NBPF20: variants seen among roughly 807,000 people sequenced by gnomAD.
NBPF20 encodes NBPF family member NBPF20.
Under a neutral mutation model 68.1 loss-of-function variants are expected in NBPF20, and 90 were observed. The ratio of observed to expected loss-of-function variants is 1.32; its 90% CI spans 1.11 to 1.58. The LOEUF (loss-of-function observed/expected upper bound fraction) is 1.58. NBPF20 is among the 40% of genes most tolerant of loss of function. NBPF20 has a pLI of 0.00. For missense variants in NBPF20, 816 were observed against 601.2 expected, an observed-to-expected ratio of 1.36 and a Z score of -3.74; for synonymous variants, 290 against 228.1, an observed-to-expected ratio of 1.27 and a Z score of -2.45.
chr1:145,292,354 T>A (rs1558961817), intron 137 of NBPF20, 27 bp downstream of exon 142: 2 of 664,584 alleles, frequency 3.0e-6, no homozygotes, highest in Non-Finnish European at 5.3e-6. Flanking sequence ...AACACAGAAT[T>A]AAGCATCCAC....
intron 136 of NBPF20, among the ~76,000 whole-genome samples, chr1:145,292,982 C>G (rs1411064740): frequency 2.9e-3 from 13 of 4,478 alleles, no homozygotes; most frequent in African/African-American, 0.018. Context: ...GATCAGGGCG[C>G]CACAGGTATG....
rs1460475018 is a variant in NBPF20 at position 145,295,999 on chromosome 1, C to T, written c.16138+339G>A. 2.0e-4 allele frequency: 32 copies of T among 160,574 alleles called. 8 individuals carry two copies. Among genetic ancestry groups the T allele is most frequent in the South Asian group, 8.4e-4 (18 of 21,332 alleles). The allele number at this position is 160,574 out of a possible 1,614,324, so 9.9% of individuals were successfully genotyped here. On this transcript the variant is annotated intron_variant, in intron 132 of 137. Coordinates refer to ENST00000369373, the Ensembl canonical transcript of NBPF20. ...TGTTCACGGTATCGAGGATTTTAGA[C>T]GCTGAAATTAGAGTGAAGGATGAAA...
At chr1:145,404,321 C>T (rs1217788342) in intron 2 of NBPF20, among the ~76,000 whole-genome samples, 1 of 151,798 alleles carries the variant, frequency 6.6e-6, no homozygotes, top group African/African-American at 2.4e-5. Flanking sequence ...TGCAATAGTG[C>T]AATCTTGGCT....
exon 2 of NBPF20, chr1:145,405,198 G>C (rs1553666836): frequency 6.2e-7 from 1 of 1,612,558 alleles, no homozygotes; most frequent in South Asian, 1.1e-5. Flanking sequence ...CCAACTGGGG[G>C]CGCAATTTCT....
intron 7 of NBPF20, among the ~76,000 whole-genome samples, chr1:145,397,841 T>C (rs1662333275): frequency 6.6e-6 from 1 of 152,010 alleles, no homozygotes; most frequent in Non-Finnish European, 1.5e-5. Context: ...AGGAAACCCA[T>C]CTCACATGCA....
chr1:145,294,912 C>A (rs1661257737), exon 134 of NBPF20: 1 of 403,768 alleles, frequency 2.5e-6, no homozygotes, highest in African/African-American at 6.0e-5. Flanking sequence ...GTGAGTCCTG[C>A]AAGACTTCAG....
chr1:145,398,890 A>G (rs1328337305), intron 7 of NBPF20, among the ~76,000 whole-genome samples, 159 bp downstream of exon 12: 7 of 149,106 alleles, frequency 4.7e-5, no homozygotes, highest in South Asian at 4.2e-4. Context: ...ATTAAAACCA[A>G]TACAAGTGCT....
chr1:145,402,296 A>C, exon 4 of NBPF20: 1 of 1,610,412 alleles, frequency 6.2e-7, no homozygotes, highest in South Asian at 1.1e-5. Flanking sequence ...TCATTCAATG[A>C]GCGGGAGGCA....
chr1:145,315,729 A>T, intron 107 of NBPF20, 131 bp from the exon 113 acceptor site: 1 of 96,322 alleles, frequency 1.0e-5, no homozygotes, highest in Non-Finnish European at 1.7e-5. Context: ...GAGGTAATGA[A>T]TTATTGCCTT....
At chr1:145,311,853 T>C (rs1374942130) in intron 112 of NBPF20, among the ~76,000 whole-genome samples, 1 of 110,680 alleles carries the variant, frequency 9.0e-6, no homozygotes, top group Non-Finnish European at 1.8e-5. Context: ...TTGTTCACGG[T>C]AGCGAGGATT....
intron 29 of NBPF20, among the ~76,000 whole-genome samples, 194 bp from the exon 35 acceptor site, chr1:145,377,632 G>T (rs1319845325): frequency 7.0e-6 from 1 of 142,212 alleles, no homozygotes; most frequent in Non-Finnish European, 1.5e-5. Flanking sequence ...GAAAGACAGG[G>T]AGAGGGAGGG....
chr1:145,405,122 G>A (rs374957603), exon 2 of NBPF20: 9 of 1,613,608 alleles, frequency 5.6e-6, no homozygotes, highest in Non-Finnish European at 7.6e-6. Flanking sequence ...TGGTTGGCCA[G>A]GAAGCCGGCC....
At chr1:145,292,444 G>A (rs782555479) in exon 137 of NBPF20, 3 of 710,254 alleles carry the variant, frequency 4.2e-6, no homozygotes, top group Non-Finnish European at 5.0e-6. Flanking sequence ...TTTCTTCTTT[G>A]ATCTTCTTCC....
In NBPF20 at chr1:145,292,640, T is replaced by G. The variant is rs587719207; in HGVS notation, c.16589-151A>C. ...TATATTTCAGGAGGCCTGAAGGCTG[T>G]TCATGATAGAACTTCCTCGGTTTTT... On this transcript the variant is annotated intron_variant, in intron 136 of 137. Transcript: ENST00000369373. Among the ~76,000 whole-genome samples the G allele has an allele frequency of 1.9e-3, 276 of 147,802 alleles. 6 individuals are homozygous for G. The highest frequency in any genetic ancestry group is 7.2e-3 in the Middle Eastern group (2 of 276).
chr1:145,404,785 T>C (rs1553666573), intron 2 of NBPF20, among the ~76,000 whole-genome samples: 1 of 151,656 alleles, frequency 6.6e-6, no homozygotes, highest in Admixed American at 6.5e-5. Flanking sequence ...GTCTGCAGGA[T>C]CTTATATGGT....
chr1:145,410,207 A>G (rs1553668655), upstream of NBPF20, among the ~76,000 whole-genome samples: 1 of 151,852 alleles, frequency 6.6e-6, no homozygotes, highest in Admixed American at 6.6e-5. Context: ...TTTTAATTTT[A>G]GCCATTCTTA....
exon 138 of NBPF20, chr1:145,291,565 G>A (rs1281277547): frequency 6.8e-6 from 11 of 1,612,038 alleles, no homozygotes; most frequent in Admixed American, 1.7e-5. Flanking sequence ...ACACCAGGTG[G>A]AGACTTGTCA....
chr1:145,341,155 G>C (rs1255047371), intron 75 of NBPF20, among the ~76,000 whole-genome samples: 3,897 of 70,554 alleles, frequency 0.055, 127 homozygotes, highest in African/African-American at 0.14. Context: ...GAGACAGAGA[G>C]AGAGACAGAG....
chr1:145,394,462 G>T (rs1487332936), intron 8 of NBPF20, among the ~76,000 whole-genome samples: 1 of 152,096 alleles, frequency 6.6e-6, no homozygotes, highest in Admixed American at 6.5e-5. Context: ...ATGATGGACA[G>T]ATGAGCTAAA....
Sources: allele counts gnomAD v4.1 joint callset (sites outside exome capture counted in the v4.1 genomes callset), GRCh38; gene constraint gnomAD v4.1.1; transcripts MANE v1.5; gene names NCBI Gene and HGNC (gene_info 2026-07-23, HGNC 2026-07-21).